Variants in CENPP observed in about 807,000 individuals in gnomAD.
CENPP encodes the protein centromere protein P.
CENPP carries 24 observed loss-of-function variants against 35.6 expected under a neutral mutation model. That is an observed-to-expected ratio of 0.67 (90% CI 0.49 to 0.95). The LOEUF is 0.95. Ranked by LOEUF, CENPP falls within the 40% of genes least tolerant of loss-of-function variation. The pLI is 0.00. For missense variants in CENPP, 332 were observed against 345.3 expected (o/e 0.96, Z 0.31); for synonymous variants, 120 against 125.5 (o/e 0.96, Z 0.29).
chr9:92,525,417 C>T (rs1848330613), intron 5 of CENPP, among the ~76,000 whole-genome samples: 2 of 152,142 alleles, frequency 1.3e-5, no homozygotes, highest in Non-Finnish European at 1.5e-5. Flanking sequence ...AGTCATGTAC[C>T]ACATAATGAC....
intron 5 of CENPP, among the ~76,000 whole-genome samples, chr9:92,557,501 A>G (rs534761813): frequency 6.6e-6 from 1 of 152,230 alleles, no homozygotes; most frequent in South Asian, 2.1e-4. Flanking sequence ...GACTTCTTGG[A>G]GGCTTTGTTC....
At chr9:92,496,291 T>A in intron 5 of CENPP, 2 of 1,561,026 alleles carry the variant, frequency 1.3e-6, no homozygotes, top group Non-Finnish European at 1.7e-6. Flanking sequence ...GTAAAGTTTA[T>A]AAACAGCAAA....
chr9:92,512,064 C>A, intron 5 of CENPP: 1 of 1,613,814 alleles, frequency 6.2e-7, no homozygotes, highest in Non-Finnish European at 8.5e-7. Context: ...TTACTCAGAT[C>A]AAGCCTTTCC....
At chr9:92,580,607 T>G (rs1257998251) in intron 5 of CENPP, among the ~76,000 whole-genome samples, 3 of 152,244 alleles carry the variant, frequency 2.0e-5, no homozygotes, top group Admixed American at 6.5e-5. Flanking sequence ...TTTGCAGTAT[T>G]CTCTGATGGT....
At chr9:92,423,799 C>A (rs570417751) in intron 5 of CENPP, among the ~76,000 whole-genome samples, 1 of 152,200 alleles carries the variant, frequency 6.6e-6, no homozygotes, top group East Asian at 1.9e-4. Flanking sequence ...TGCCCATCAA[C>A]CCCCCAACCG....
chr9:92,564,854 A>C (rs1849928147), intron 5 of CENPP, among the ~76,000 whole-genome samples: 1 of 152,212 alleles, frequency 6.6e-6, no homozygotes, highest in Non-Finnish European at 1.5e-5. Context: ...GTGAATTGAT[A>C]GACTCTTTAT....
chr9:92,386,198 T>C (rs1842413507), intron 5 of CENPP: 2 of 1,587,816 alleles, frequency 1.3e-6, no homozygotes, highest in Non-Finnish European at 1.7e-6. Flanking sequence ...GGAACTATCA[T>C]ACCTGAAGAT....
intron 5 of CENPP, among the ~76,000 whole-genome samples, chr9:92,563,447 A>G (rs1427424089): frequency 1.3e-5 from 2 of 152,246 alleles, no homozygotes; most frequent in African/African-American, 4.8e-5. Flanking sequence ...GTAATAATAA[A>G]GCATAGCTCT....
chr9:92,417,589 A>C, intron 5 of CENPP: 1 of 1,365,270 alleles, frequency 7.3e-7, no homozygotes, highest in East Asian at 2.3e-5. Flanking sequence ...TGCAAGGAGA[A>C]AAGGAAACAT....
At chr9:92,558,990 A>G (rs1342944283) in intron 5 of CENPP, among the ~76,000 whole-genome samples, 1 of 152,004 alleles carries the variant, frequency 6.6e-6, no homozygotes, top group Non-Finnish European at 1.5e-5. Flanking sequence ...GCCACCCAAC[A>G]GCCCCAAGTC....
rs144849117 is a variant in CENPP at position 92,543,646 on chromosome 9, G to A, written c.565-67668G>A. Among the ~76,000 whole-genome samples, 321 of 152,048 alleles carry A rather than the reference G, an allele frequency of 2.1e-3. 2 individuals are homozygous for A. The highest frequency in any genetic ancestry group is 7.3e-3 in the African/African-American group (302 of 41,480). ...TCTGTAGAACACTTTGGGTAGTATA[G>A]TCATTCTAACAATATTAATGCTTCT... On this transcript the variant is annotated intron_variant, in intron 5 of 7. Coordinates refer to ENST00000375587, the MANE Select transcript of CENPP (RefSeq NM_001012267.3).
In CENPP at chr9:92,371,014, G is replaced by A. The variant is rs187317933; in HGVS notation, c.468-8749G>A. Among the ~76,000 whole-genome samples the A allele has an allele frequency of 6.5e-3, 993 of 152,090 alleles. 10 individuals are homozygous for A. The highest frequency in any genetic ancestry group is 0.024 in the Middle Eastern group (7 of 294). On this transcript the variant is annotated intron_variant, in intron 4 of 7. Coordinates refer to ENST00000375587, the MANE Select transcript of CENPP (RefSeq NM_001012267.3). ...CTTTTCTTGGTTAGTCTAGCTAGTG[G>A]TTTGTCAATTTTGTTTATCTTTTCA...
chr9:92,511,482 C>T (rs1210164025), intron 5 of CENPP, among the ~76,000 whole-genome samples: 3 of 151,272 alleles, frequency 2.0e-5, no homozygotes, highest in African/African-American at 4.9e-5. Context: ...CAAAGGTTTA[C>T]TCTGTGCTGT....
At chr9:92,501,223 C>T (rs1307424867) in intron 5 of CENPP, among the ~76,000 whole-genome samples, 1 of 152,168 alleles carries the variant, frequency 6.6e-6, no homozygotes, top group Non-Finnish European at 1.5e-5. Context: ...TAGTCTCTTG[C>T]ACCAAGCTGC....
At chr9:92,541,676 A>G (rs921417903) in intron 5 of CENPP, among the ~76,000 whole-genome samples, 1 of 151,892 alleles carries the variant, frequency 6.6e-6, no homozygotes. Context: ...TTTCATATAT[A>G]CATTTTCTTT....
chr9:92,401,052 T>C (rs1425022203), intron 5 of CENPP: 1 of 957,384 alleles, frequency 1.0e-6, no homozygotes, highest in Non-Finnish European at 1.7e-6. Context: ...TATAGCTATT[T>C]TTAAAAGATC....
chr9:92,416,106 T>A (rs917172024), intron 5 of CENPP, among the ~76,000 whole-genome samples: 17 of 142,332 alleles, frequency 1.2e-4, no homozygotes, highest in Admixed American at 6.3e-4. Context: ...TTATTTTATT[T>A]TTTTTTTTTT....
chr9:92,485,545 A>G (rs965495126), intron 5 of CENPP, among the ~76,000 whole-genome samples: 1 of 152,234 alleles, frequency 6.6e-6, no homozygotes, highest in Non-Finnish European at 1.5e-5. Flanking sequence ...ATAAAAATAA[A>G]TTGCCTAATC....
chr9:92,442,108 A>G (rs972379487), intron 5 of CENPP, among the ~76,000 whole-genome samples: 5 of 152,038 alleles, frequency 3.3e-5, no homozygotes, highest in Admixed American at 3.3e-4. Context: ...AGATATATAT[A>G]AAAACAAGGC....
Sources: allele counts gnomAD v4.1 joint callset (sites outside exome capture counted in the v4.1 genomes callset), GRCh38; gene constraint gnomAD v4.1.1; transcripts MANE v1.5; gene names NCBI Gene and HGNC (gene_info 2026-07-23, HGNC 2026-07-21).